The following AFAP1L2 variants were observed in gnomAD, a reference collection of about 807,000 sequenced individuals.
AFAP1L2 encodes actin filament associated protein 1 like 2, also known as actin filament-associated protein 1-like 2.
A neutral mutation model predicts 99.3 loss-of-function variants in AFAP1L2; 46 were observed. The observed-to-expected ratio is 0.46, with a 90% CI of 0.37 to 0.59. The LOEUF (loss-of-function observed/expected upper bound fraction) is 0.59, where lower values mean the gene tolerates loss of function less well. AFAP1L2 is among the 20% of genes least tolerant of loss of function. The probability of loss-of-function intolerance (pLI) is 0.00; values close to 1 mark genes in which losing one functional copy is unlikely to be tolerated. For missense variants in AFAP1L2, 959 were observed against 1,034.9 expected (o/e 0.93, Z 1.01); for synonymous variants, 397 against 419.1 (o/e 0.95, Z 0.64).
intron 1 of AFAP1L2, among the ~76,000 whole-genome samples, chr10:114,373,706 C>G (rs1170829172): frequency 1.3e-5 from 2 of 152,150 alleles, no homozygotes; most frequent in Non-Finnish European, 2.9e-5. Flanking sequence ...AGTCCCCTGA[C>G]CACAGGCTTC....
chr10:114,403,127 G>A (rs917064345), intron 1 of AFAP1L2, among the ~76,000 whole-genome samples: 1 of 152,210 alleles, frequency 6.6e-6, no homozygotes, highest in African/African-American at 2.4e-5. Flanking sequence ...AAAACCACCG[G>A]GTTAGAAATG....
At chr10:114,323,403 G>T in intron 4 of AFAP1L2, 142 bp from the exon 5 acceptor site, 1 of 675,368 alleles carries the variant, frequency 1.5e-6, no homozygotes, top group Non-Finnish European at 2.6e-6. Context: ...GGGAGAACAT[G>T]CAGTATCATG....
At position 114,308,421 on chromosome 10, in the gene AFAP1L2, A is replaced by T; in HGVS notation, c.967+12T>A. On this transcript the variant is annotated intron_variant, in intron 9 of 18. Coordinates refer to ENST00000304129, the MANE Select transcript of AFAP1L2 (RefSeq NM_001001936.3). ...CTGGGACACCATTCCCCTCCCAACC[A>T]CATGATGTTACCGTCTTTGGTTTCT... 1 of 1,612,092 alleles carries T rather than the reference A, an allele frequency of 6.2e-7. No homozygotes were observed. The highest frequency in any genetic ancestry group is 8.5e-7 in the Non-Finnish European group (1 of 1,178,210).
chr10:114,292,759 G>A (rs1451932379), downstream of AFAP1L2, among the ~76,000 whole-genome samples: 1 of 151,970 alleles, frequency 6.6e-6, no homozygotes, highest in African/African-American at 2.4e-5. Flanking sequence ...AGGCTAGAGT[G>A]CAGTGGTACA....
chr10:114,342,418 T>G (rs1222255946), intron 1 of AFAP1L2, among the ~76,000 whole-genome samples: 1 of 152,232 alleles, frequency 6.6e-6, no homozygotes, highest in Non-Finnish European at 1.5e-5. Context: ...TGTGGTGGGC[T>G]AAATATTGGG....
At chr10:114,283,591 C>G in the AFAP1L2 span, among the ~76,000 whole-genome samples, 3 of 152,212 alleles carry the variant, frequency 2.0e-5, no homozygotes, top group Non-Finnish European at 2.9e-5. Context: ...CCAGCTTTGC[C>G]TCTTACCAAT....
chr10:114,381,167 T>C (rs181286450), intron 1 of AFAP1L2, among the ~76,000 whole-genome samples: 2 of 152,352 alleles, frequency 1.3e-5, no homozygotes, highest in African/African-American at 4.8e-5. Flanking sequence ...CAAGAGTTGT[T>C]ATAGCCATAC....
intron 2 of AFAP1L2, among the ~76,000 whole-genome samples, chr10:114,340,342 G>C (rs1156598971): frequency 1.3e-5 from 2 of 152,106 alleles, no homozygotes; most frequent in African/African-American, 4.8e-5. Flanking sequence ...TAAAAGAAGA[G>C]GTGACTGGGA....
In AFAP1L2 at chr10:114,332,180, C is replaced by A. The variant is rs1212186573; in HGVS notation, c.221-283G>T. ...GGTCTAGCCACAGAGCTTTGGCCAGCAGAGAAGCTGCCTGGTGGCCACTAT... is the reference window on the plus strand; with the variant it reads ...GGTCTAGCCACAGAGCTTTGGCCAGAAGAGAAGCTGCCTGGTGGCCACTAT... On this transcript the variant is annotated intron_variant, in intron 3 of 18. Coordinates refer to ENST00000304129, the MANE Select transcript of AFAP1L2 (RefSeq NM_001001936.3). 2.0e-5 allele frequency among the ~76,000 whole-genome samples: 3 copies of A among 152,222 alleles called. No individual in the cohort carries two copies. The East Asian group carries it at 5.8e-4, about 29-fold the overall frequency.
At chr10:114,404,121 C>T (rs967256224) in intron 1 of AFAP1L2, among the ~76,000 whole-genome samples, 5 of 152,292 alleles carry the variant, frequency 3.3e-5, no homozygotes, top group Non-Finnish European at 7.4e-5. Flanking sequence ...TCCTGTGCGG[C>T]GGGACTGAGG....
Position 114,295,666 on chromosome 10 carries a change from A to G in AFAP1L2, c.*376T>C. The G allele has an allele frequency of 9.7e-7, 1 of 1,027,192 alleles. No homozygotes were observed. Among genetic ancestry groups the G allele is most frequent in the Non-Finnish European group, 1.2e-6 (1 of 856,310 alleles). The allele number at this position is 1,027,192 out of a possible 1,614,324, so 63.6% of individuals were successfully genotyped here. On this transcript the variant is annotated 3_prime_UTR_variant, in exon 19 of 19. Coordinates refer to ENST00000304129, the MANE Select transcript of AFAP1L2 (RefSeq NM_001001936.3). ...CTCACTCACCAAAGACACGTGACCC[A>G]TAAGACAGGGCCCTGCTTCCTTGAT...
intron 1 of AFAP1L2, among the ~76,000 whole-genome samples, chr10:114,365,478 A>C (rs775678275): frequency 3.9e-5 from 6 of 152,226 alleles, no homozygotes; most frequent in Admixed American, 1.3e-4. Flanking sequence ...ATCCTCATAG[A>C]GAATTCCTAG....
intron 1 of AFAP1L2, among the ~76,000 whole-genome samples, chr10:114,387,340 G>C (rs1038558237): frequency 6.6e-6 from 1 of 152,166 alleles, no homozygotes; most frequent in African/African-American, 2.4e-5. Context: ...GGTGATAAAA[G>C]ACTAGTACGT....
At chr10:114,372,082 C>T (rs10437496) in intron 1 of AFAP1L2, among the ~76,000 whole-genome samples, 27,083 of 152,186 alleles carry the variant, frequency 0.18, 2,736 homozygotes, top group African/African-American at 0.27. Flanking sequence ...TTAACTTGGA[C>T]GAAACAGCAA....
chr10:114,320,744 G>C (rs2045089670), intron 5 of AFAP1L2, among the ~76,000 whole-genome samples: 1 of 152,236 alleles, frequency 6.6e-6, no homozygotes, highest in Non-Finnish European at 1.5e-5. Flanking sequence ...TCGAGATGGA[G>C]TGTCTGACCC....
intron 2 of AFAP1L2, among the ~76,000 whole-genome samples, chr10:114,339,300 A>G (rs1215732953): frequency 2.0e-5 from 3 of 151,972 alleles, no homozygotes; most frequent in Non-Finnish European, 4.4e-5. Context: ...ATAAAAAATT[A>G]GCCGGGCGCA....
intron 1 of AFAP1L2, among the ~76,000 whole-genome samples, chr10:114,366,551 C>A (rs2053279818): frequency 1.3e-5 from 2 of 152,192 alleles, no homozygotes; most frequent in South Asian, 4.1e-4. Flanking sequence ...TGAAATGGAG[C>A]TCCACCTTTC....
chr10:114,356,126 T>C (rs1020207585), intron 1 of AFAP1L2, among the ~76,000 whole-genome samples: 5 of 152,238 alleles, frequency 3.3e-5, no homozygotes, highest in African/African-American at 1.2e-4. Context: ...AAAACATTTA[T>C]CTGAAACTCC....
chr10:114,327,147 T>TTTTATATATATATATATATATATATATA lies in AFAP1L2; in HGVS notation c.316-3887_316-3886insTATATATATATATATATATATATATAAA, dbSNP rs1364666260. 3.5e-4 allele frequency among the ~76,000 whole-genome samples: 19 copies of TTTTATATATATATATATATATATATATA among 54,568 alleles called. 1 individual carries two copies. Among genetic ancestry groups the TTTTATATATATATATATATATATATATA allele is most frequent in the South Asian group, 1.3e-3 (2 of 1,596 alleles). 35.8% of individuals were successfully genotyped at this position (54,568 alleles called of 152,430 possible). A position where few individuals can be genotyped will look rare whatever the true frequency, so the allele number is the denominator to read the frequency against. On this transcript the variant is annotated intron_variant, in intron 4 of 18. Coordinates refer to ENST00000304129, the MANE Select transcript of AFAP1L2 (RefSeq NM_001001936.3). ...TGAAGACCGTGAATTTTATATATAT[T>TTTTATATATATATATATATATATATATA]TATATATATATATATATATATATAT... is the stretch of plus-strand genomic sequence containing the variant.
Sources: gnomAD v4.1 joint callset for allele counts (sites outside exome capture counted in the v4.1 genomes callset) on GRCh38, gnomAD v4.1.1 for gene constraint, MANE v1.5 for transcripts, NCBI Gene and HGNC (gene_info 2026-07-23, HGNC 2026-07-21) for gene names.